The following TBC1D5 variants were observed in gnomAD, a reference collection of about 807,000 sequenced individuals.
The protein encoded by TBC1D5 is TBC1 domain family member 5, also known as TBC1 domain family, member 5.
A neutral mutation model predicts 100.3 loss-of-function variants in TBC1D5; 75 were observed. The observed-to-expected ratio is 0.75, with a 90% CI of 0.62 to 0.91. The LOEUF (loss-of-function observed/expected upper bound fraction) is 0.91, where lower values mean the gene tolerates loss of function less well. TBC1D5 is among the 40% of genes least tolerant of loss of function. The pLI is 0.00. For missense variants in TBC1D5, 910 were observed against 942.4 expected (o/e 0.97, Z 0.45); for synonymous variants, 323 against 325.6 (o/e 0.99, Z 0.09).
chr3:17,343,017 G>C (rs908075904), intron 13 of TBC1D5, among the ~76,000 whole-genome samples: 1 of 152,058 alleles, frequency 6.6e-6, no homozygotes, highest in African/African-American at 2.4e-5. Flanking sequence ...AATAGGAGTG[G>C]TGAGAGAGGG....
chr3:17,735,459 G>C (rs2076890789), intron 1 of TBC1D5, among the ~76,000 whole-genome samples: 1 of 152,110 alleles, frequency 6.6e-6, no homozygotes, highest in Non-Finnish European at 1.5e-5. Flanking sequence ...TTATGAGTGG[G>C]TCTTTGTTCT....
intron 18 of TBC1D5, among the ~76,000 whole-genome samples, chr3:17,209,076 C>T (rs2072612050): frequency 3.3e-5 from 5 of 152,180 alleles, no homozygotes; most frequent in Admixed American, 3.3e-4. Flanking sequence ...ACTTCTTTCT[C>T]CCCAGAAACA....
intron 2 of TBC1D5, among the ~76,000 whole-genome samples, chr3:17,521,538 T>C (rs1181386783): frequency 1.3e-5 from 2 of 152,172 alleles, no homozygotes; most frequent in African/African-American, 2.4e-5. Context: ...TCAAAGCATT[T>C]GGGAAGTCAA....
chr3:17,319,505 T>C (rs2150891427), intron 13 of TBC1D5, among the ~76,000 whole-genome samples: 1 of 150,928 alleles, frequency 6.6e-6, no homozygotes, highest in East Asian at 1.9e-4. Flanking sequence ...TAAGAAGCAA[T>C]TTTCCTTCCC....
intron 21 of TBC1D5, among the ~76,000 whole-genome samples, chr3:17,162,370 A>G (rs576348662): frequency 6.6e-6 from 1 of 152,352 alleles, no homozygotes; most frequent in African/African-American, 2.4e-5. Context: ...TCTCAGGGAA[A>G]TCTGGCCTTG....
chr3:17,692,168 C>T (rs925793496), intron 1 of TBC1D5, among the ~76,000 whole-genome samples: 8 of 152,214 alleles, frequency 5.3e-5, no homozygotes, highest in African/African-American at 1.4e-4. Context: ...TCTCGGATCA[C>T]TGCAGCCTCC....
At chr3:17,552,069 T>C (rs1172234780) in intron 2 of TBC1D5, among the ~76,000 whole-genome samples, 4 of 152,114 alleles carry the variant, frequency 2.6e-5, no homozygotes, top group Non-Finnish European at 5.9e-5. Flanking sequence ...TGTAGTTTTA[T>C]GTAAATTTAT....
At position 17,372,081 on chromosome 3, in the gene TBC1D5, T is replaced by C. The variant is rs1255459850; in HGVS notation, c.989A>G (p.Tyr330Cys). The change falls in exon 13 of 22, where the codon TAT becomes TGT. Residue 330 changes from tyrosine to cysteine, a missense_variant. Tyr to Cys is a radical substitution (Grantham distance 194). Coordinates refer to ENST00000253692, the Ensembl canonical transcript of TBC1D5. Reference sequence around the variant, plus strand: ...AAAGAACTTTAATACTTACAACCCATATATCTGTGGTGCAATTTCTAGTCT... The same window carrying C: ...AAAGAACTTTAATACTTACAACCCACATATCTGTGGTGCAATTTCTAGTCT... 1.1e-5 allele frequency: 17 copies of C among 1,607,968 alleles called. No homozygotes were observed. Among genetic ancestry groups the C allele is most frequent in the Non-Finnish European group, 1.4e-5 (17 of 1,177,008 alleles).
intron 15 of TBC1D5, among the ~76,000 whole-genome samples, chr3:17,287,526 A>G (rs1262624866): frequency 6.6e-6 from 1 of 152,192 alleles, no homozygotes; most frequent in Non-Finnish European, 1.5e-5. Context: ...GGGAGCTTAT[A>G]AGCTTTTTGA....
chr3:17,514,698 A>G (rs934232174), intron 2 of TBC1D5, among the ~76,000 whole-genome samples: 1 of 152,184 alleles, frequency 6.6e-6, no homozygotes, highest in Non-Finnish European at 1.5e-5. Flanking sequence ...AAAATGCTAT[A>G]AAGTCATGAG....
chr3:17,340,361 A>G (rs1401222038), intron 13 of TBC1D5, among the ~76,000 whole-genome samples: 1 of 152,200 alleles, frequency 6.6e-6, no homozygotes, highest in East Asian at 1.9e-4. Context: ...CGGCCTTCAG[A>G]CAATCAGGAG....
chr3:17,206,146 G>A (rs984301324), intron 18 of TBC1D5, among the ~76,000 whole-genome samples: 2 of 152,074 alleles, frequency 1.3e-5, no homozygotes, highest in African/African-American at 4.8e-5. Flanking sequence ...GGAAAATAAC[G>A]TTTGTATTTA....
At chr3:17,606,503 T>C (rs1006280937) in intron 2 of TBC1D5, among the ~76,000 whole-genome samples, 3 of 152,062 alleles carry the variant, frequency 2.0e-5, no homozygotes, top group Non-Finnish European at 2.9e-5. Context: ...CTGTAATATA[T>C]ATAAAGCAAG....
intron 2 of TBC1D5, among the ~76,000 whole-genome samples, chr3:17,549,218 T>C (rs2096449738): frequency 6.6e-6 from 1 of 152,194 alleles, no homozygotes; most frequent in South Asian, 2.1e-4. Flanking sequence ...ACAGAATCAC[T>C]TGAACCTGGG....
intron 18 of TBC1D5, among the ~76,000 whole-genome samples, chr3:17,186,196 G>A (rs1282518922): frequency 6.6e-6 from 1 of 151,262 alleles, no homozygotes; most frequent in African/African-American, 2.4e-5. Context: ...AGAATCCTCT[G>A]TATCACTAAA....
chr3:17,737,514 T>C (rs563835617), intron 1 of TBC1D5, among the ~76,000 whole-genome samples: 125 of 152,310 alleles, frequency 8.2e-4, no homozygotes, highest in Non-Finnish European at 1.4e-3. Context: ...ATTTCAACAA[T>C]AGGCATTACT....
chr3:17,601,561 T>G lies in TBC1D5; in HGVS notation c.-36+22288A>C, dbSNP rs889436903. On this transcript the variant is annotated intron_variant, in intron 2 of 21. Coordinates refer to ENST00000253692, the Ensembl canonical transcript of TBC1D5. Reference sequence around the variant, plus strand: ...CAATATTTAAAATGAACTTTTAAACTTATAACTGCCCTTGTGAGCAATGCC... The same window carrying G: ...CAATATTTAAAATGAACTTTTAAACGTATAACTGCCCTTGTGAGCAATGCC... 3.3e-5 allele frequency among the ~76,000 whole-genome samples: 5 copies of G among 152,294 alleles called. No individual in the cohort carries two copies. The East Asian group carries it at 9.7e-4, about 29-fold the overall frequency.
chr3:17,369,786 T>G (rs573191762), intron 13 of TBC1D5, among the ~76,000 whole-genome samples: 142 of 152,200 alleles, frequency 9.3e-4, no homozygotes, highest in African/African-American at 3.2e-3. Flanking sequence ...TAAATAGTAA[T>G]AACAAAACCA....
intron 18 of TBC1D5, among the ~76,000 whole-genome samples, chr3:17,190,756 TG>T (rs1379533930): frequency 6.6e-6 from 1 of 152,032 alleles, no homozygotes; most frequent in African/African-American, 2.4e-5. Context: ...GGCACTGAGG[TG>T]GAGTTCTGCT....
Sources: allele counts gnomAD v4.1 joint callset (sites outside exome capture counted in the v4.1 genomes callset), GRCh38; gene constraint gnomAD v4.1.1; transcripts MANE v1.5; gene names NCBI Gene and HGNC (gene_info 2026-07-23, HGNC 2026-07-21).